The following DACH1 variants were observed in gnomAD, a reference collection of about 807,000 sequenced individuals.
The protein encoded by DACH1 is dachshund family transcription factor 1, also known as dachshund homolog 1.
A neutral mutation model predicts 54.2 loss-of-function variants in DACH1; 12 were observed. That is an observed-to-expected ratio of 0.22 (90% CI 0.14 to 0.36). DACH1 has a LOEUF of 0.36. Among genes scored for constraint, DACH1 ranks in the 10% least tolerant of loss-of-function variants. The probability of loss-of-function intolerance (pLI) is 1.00; values close to 1 mark genes in which losing one functional copy is unlikely to be tolerated. For synonymous variants in DACH1, 386 were observed against 366.2 expected (o/e 1.05, Z -0.62); for missense variants, 805 against 929.8 (o/e 0.87, Z 1.75).
At chr13:71,642,500 A>C (rs1486876107) in intron 2 of DACH1, among the ~76,000 whole-genome samples, 1 of 152,196 alleles carries the variant, frequency 6.6e-6, no homozygotes, top group Non-Finnish European at 1.5e-5. Flanking sequence ...GTTTTCATGG[A>C]TGGATTTGAG....
intron 3 of DACH1, among the ~76,000 whole-genome samples, chr13:71,590,929 A>AGATG (rs1873668382): frequency 2.6e-5 from 3 of 114,658 alleles, no homozygotes; most frequent in Non-Finnish European, 5.0e-5. Context: ...ACCAGGCGGG[A>AGATG]GTGCAGGGGC....
intron 10 of DACH1, among the ~76,000 whole-genome samples, chr13:71,472,863 G>C (rs1439003943): frequency 6.6e-6 from 1 of 151,964 alleles, no homozygotes. Context: ...TTCTTTCTTT[G>C]ATTGCTTTTG....
chr13:71,733,159 G>A (rs1375352532), intron 1 of DACH1, among the ~76,000 whole-genome samples: 2 of 152,080 alleles, frequency 1.3e-5, no homozygotes, highest in Non-Finnish European at 2.9e-5. Context: ...CTATTTGGGG[G>A]TTTTTTGGTT....
At chr13:71,573,074 CAGTCA>C (rs1885316569) in intron 3 of DACH1, 62 bp from the exon 4 acceptor site, 1 of 1,494,966 alleles carries the variant, frequency 6.7e-7, no homozygotes, top group South Asian at 1.3e-5. Context: ...AAAATTGAAA[CAGTCA>C]AAAGTTTTCT....
At chr13:71,865,804 C>A (rs985213275) in intron 1 of DACH1, 118 bp downstream of exon 1, 6 of 1,307,706 alleles carry the variant, frequency 4.6e-6, no homozygotes, top group Non-Finnish European at 5.8e-6. Context: ...GGGCCGCGCT[C>A]GCCGGGGCGC....
At chr13:71,550,919 A>T (rs1883772252) in intron 6 of DACH1, among the ~76,000 whole-genome samples, 1 of 152,164 alleles carries the variant, frequency 6.6e-6, no homozygotes. Context: ...TAGATGGTAT[A>T]AGTAAAGGAG....
intron 1 of DACH1, among the ~76,000 whole-genome samples, chr13:71,852,985 A>C (rs992121482): frequency 6.6e-6 from 1 of 152,200 alleles, no homozygotes; most frequent in Non-Finnish European, 1.5e-5. Context: ...TCAGTGATAC[A>C]TATTTCCAAA....
chr13:71,563,445 G>A (rs962561883), intron 4 of DACH1, among the ~76,000 whole-genome samples: 9 of 151,792 alleles, frequency 5.9e-5, no homozygotes, highest in Non-Finnish European at 1.3e-4. Flanking sequence ...CTCATAAAAT[G>A]CTTAAATATT....
At chr13:71,569,619 A>G (rs1403150545) in intron 4 of DACH1, among the ~76,000 whole-genome samples, 2 of 152,138 alleles carry the variant, frequency 1.3e-5, no homozygotes, top group South Asian at 2.1e-4. Flanking sequence ...TATGTTAATG[A>G]AAAAACTTTT....
chr13:71,808,844 C>A lies in DACH1; in HGVS notation c.848+57078G>T, dbSNP rs577564334. ...TTTGTCTAAACTGTCTAAAGTAAAT[C>A]AAAAACTATCACTCAACCCTCCTAG... is the stretch of plus-strand genomic sequence containing the variant. On this transcript the variant is annotated intron_variant, in intron 1 of 10. Coordinates refer to ENST00000613252, the MANE Select transcript of DACH1 (RefSeq NM_080759.6). Among the ~76,000 whole-genome samples, 7 of 152,236 alleles carry A rather than the reference C, an allele frequency of 4.6e-5. No individual in the cohort carries two copies. In the South Asian group the frequency reaches 1.2e-3, roughly 27 times the overall value.
chr13:71,444,649 T>C (rs753300403), intron 10 of DACH1, among the ~76,000 whole-genome samples: 4 of 152,222 alleles, frequency 2.6e-5, no homozygotes, highest in Non-Finnish European at 5.9e-5. Flanking sequence ...CTGCAGTATA[T>C]TAAGTAGAAA....
At chr13:71,586,085 AT>A (rs1195198685) in intron 3 of DACH1, among the ~76,000 whole-genome samples, 1 of 152,006 alleles carries the variant, frequency 6.6e-6, no homozygotes, top group Non-Finnish European at 1.5e-5. Flanking sequence ...TGCAGTTAAT[AT>A]TTTTTTAATT....
At chr13:71,863,891 GA>G (rs1297611279) in intron 1 of DACH1, among the ~76,000 whole-genome samples, 6 of 147,462 alleles carry the variant, frequency 4.1e-5, no homozygotes, top group East Asian at 2.0e-4. Flanking sequence ...TTATTAAAGA[GA>G]AAAAAAAAGT....
At chr13:71,578,295 C>G (rs1205300124) in intron 3 of DACH1, among the ~76,000 whole-genome samples, 1 of 152,122 alleles carries the variant, frequency 6.6e-6, no homozygotes, top group Admixed American at 6.5e-5. Context: ...CAAGAGCAGG[C>G]ATTTACTCCA....
At position 71,554,416 on chromosome 13, in the gene DACH1, G is replaced by A. The variant is rs79420557; in HGVS notation, c.1570+2608C>T. Among the ~76,000 whole-genome samples, 847 of 152,032 alleles carry A rather than the reference G, an allele frequency of 5.6e-3. 10 individuals carry two copies. Among genetic ancestry groups the A allele is most frequent in the African/African-American group, 0.018 (760 of 41,490 alleles). The stretch of plus-strand genomic sequence containing the variant: ...TATGTCAAAATATTGGGAAACTGTC[G>A]GGCTATGGTCAAGGACTTTGTTCTT... On this transcript the variant is annotated intron_variant, in intron 6 of 10. Coordinates refer to ENST00000613252, the MANE Select transcript of DACH1 (RefSeq NM_080759.6).
chr13:71,676,335 A>G (rs1880567535), intron 2 of DACH1, among the ~76,000 whole-genome samples: 1 of 152,096 alleles, frequency 6.6e-6, no homozygotes, highest in Non-Finnish European at 1.5e-5. Flanking sequence ...CTCCTGCCTC[A>G]GCCTCCCGAG....
chr13:71,845,704 T>C (rs1472278810), intron 1 of DACH1, among the ~76,000 whole-genome samples: 1 of 152,208 alleles, frequency 6.6e-6, no homozygotes, highest in Non-Finnish European at 1.5e-5. Context: ...CTAGAATTTG[T>C]CAAGAAAGGA....
chr13:71,613,058 G>C (rs1875453703), intron 3 of DACH1, among the ~76,000 whole-genome samples: 1 of 152,214 alleles, frequency 6.6e-6, no homozygotes, highest in Non-Finnish European at 1.5e-5. Context: ...ATTATAGATT[G>C]TGCAAAGTGC....
At chr13:71,603,603 T>C (rs978157523) in intron 3 of DACH1, among the ~76,000 whole-genome samples, 1 of 152,020 alleles carries the variant, frequency 6.6e-6, no homozygotes, top group Non-Finnish European at 1.5e-5. Flanking sequence ...GTGTATAACT[T>C]GTTTTCTTTT....
Sources: allele counts gnomAD v4.1 joint callset (sites outside exome capture counted in the v4.1 genomes callset), GRCh38; gene constraint gnomAD v4.1.1; transcripts MANE v1.5; gene names NCBI Gene and HGNC (gene_info 2026-07-23, HGNC 2026-07-21).